Variants in TMEM196 observed in about 807,000 individuals in gnomAD.
The protein encoded by TMEM196 is transmembrane protein 196.
TMEM196 carries 17 observed loss-of-function variants against 20.0 expected under a neutral mutation model. That is an observed-to-expected ratio of 0.85 (90% CI 0.58 to 1.27). TMEM196 has a LOEUF of 1.27. Among genes scored for constraint, TMEM196 ranks in the 50% most tolerant of loss-of-function variants. The pLI, the probability that TMEM196 is intolerant of heterozygous loss-of-function variation, is 0.00. For missense variants in TMEM196, 267 were observed against 223.0 expected (o/e 1.20, Z -1.26); for synonymous variants, 113 against 88.9 (o/e 1.27, Z -1.52).
intron 1 of TMEM196, among the ~76,000 whole-genome samples, chr7:19,747,069 A>C (rs1449890802): frequency 6.6e-6 from 1 of 151,478 alleles, no homozygotes; most frequent in Admixed American, 6.6e-5. Context: ...TCCCGGCTAA[A>C]ACGGTGAAAC....
chr7:19,725,099 A>G (rs1264633110), intron 3 of TMEM196, among the ~76,000 whole-genome samples: 7 of 152,228 alleles, frequency 4.6e-5, no homozygotes, highest in Non-Finnish European at 1.0e-4. Context: ...TTATACTTGA[A>G]GATCAAATTT....
At chr7:19,754,981 AAGGAGACT>A (rs1785146039) in intron 1 of TMEM196, among the ~76,000 whole-genome samples, 1 of 152,238 alleles carries the variant, frequency 6.6e-6, no homozygotes, top group Admixed American at 6.5e-5. Flanking sequence ...TTATAAGAAT[AAGGAGACT>A]AATGGTAATA....
At chr7:19,724,240 G>T in intron 4 of TMEM196, 40 bp downstream of exon 4, 1 of 1,525,804 alleles carries the variant, frequency 6.6e-7, no homozygotes, top group Non-Finnish European at 8.9e-7. Context: ...GCTTTCTGCA[G>T]CGACATTACA....
intron 3 of TMEM196, among the ~76,000 whole-genome samples, 177 bp downstream of exon 3, chr7:19,725,337 G>A (rs1179866883): frequency 1.3e-5 from 2 of 152,078 alleles, no homozygotes; most frequent in African/African-American, 4.8e-5. Flanking sequence ...TTGAAAATAG[G>A]TGTACCCATG....
intron 2 of TMEM196, among the ~76,000 whole-genome samples, chr7:19,727,527 A>G (rs1426929678): frequency 6.6e-6 from 1 of 152,164 alleles, no homozygotes; most frequent in Non-Finnish European, 1.5e-5. Flanking sequence ...TAATTAAATC[A>G]TCCTACTAAG....
chr7:19,756,984 A>G (rs917172304), intron 1 of TMEM196, among the ~76,000 whole-genome samples: 4 of 152,148 alleles, frequency 2.6e-5, no homozygotes, highest in Admixed American at 1.3e-4. Flanking sequence ...ATGCAAGTCT[A>G]GATGAGGCAC....
chr7:19,723,554 GA>G (rs1783883959), intron 4 of TMEM196, among the ~76,000 whole-genome samples: 1 of 152,112 alleles, frequency 6.6e-6, no homozygotes. Context: ...AAAGAAGAGT[GA>G]AAATTCGTTT....
chr7:19,745,825 T>G (rs1482107701), intron 1 of TMEM196, among the ~76,000 whole-genome samples: 1 of 150,926 alleles, frequency 6.6e-6, no homozygotes, highest in Admixed American at 6.6e-5. Context: ...CTGCTCCTAA[T>G]TGAAATTGTC....
intron 1 of TMEM196, among the ~76,000 whole-genome samples, chr7:19,729,867 G>A (rs1784133604): frequency 6.6e-6 from 1 of 152,160 alleles, no homozygotes; most frequent in African/African-American, 2.4e-5. Context: ...ACAAGGAGAT[G>A]ATTCTCTATA....
chr7:19,756,194 C>A (rs1172370474), intron 1 of TMEM196, among the ~76,000 whole-genome samples: 1 of 151,814 alleles, frequency 6.6e-6, no homozygotes, highest in African/African-American at 2.4e-5. Context: ...ATTAAAAGAT[C>A]AAAAGGGGGA....
intron 1 of TMEM196, among the ~76,000 whole-genome samples, chr7:19,767,006 G>A (rs1417343944): frequency 2.0e-5 from 3 of 152,100 alleles, no homozygotes; most frequent in Admixed American, 6.6e-5. Context: ...CTGTCAATTA[G>A]TAGGTGACTG....
rs370154644 is a variant in TMEM196 at position 19,758,565 on chromosome 7, C to T, written c.147+13985G>A. ...TGGTCCTAGTTCTACAGCTAGCCAG[C>T]TATGCTGATTCTCTGGACTTTAGTT... is the stretch of plus-strand genomic sequence containing the variant. On this transcript the variant is annotated intron_variant, in intron 1 of 4. Coordinates refer to ENST00000405844, the MANE Select transcript of TMEM196 (RefSeq NM_001363562.2). Among the ~76,000 whole-genome samples, 7 of 152,302 alleles carry T rather than the reference C, an allele frequency of 4.6e-5. No individual in the cohort carries two copies. In the East Asian group the frequency reaches 1.2e-3, roughly 25 times the overall value.
intron 2 of TMEM196, among the ~76,000 whole-genome samples, chr7:19,726,880 G>C (rs1784018780): frequency 1.3e-5 from 2 of 151,876 alleles, no homozygotes; most frequent in Non-Finnish European, 2.9e-5. Context: ...ACTTATTCCA[G>C]TCACCTCTCT....
intron 1 of TMEM196, among the ~76,000 whole-genome samples, chr7:19,740,199 T>C (rs1784538803): frequency 6.6e-6 from 1 of 152,174 alleles, no homozygotes; most frequent in South Asian, 2.1e-4. Flanking sequence ...TATTCACTGA[T>C]ATGGAGAGTT....
chr7:19,767,975 T>G (rs958637662), intron 1 of TMEM196, among the ~76,000 whole-genome samples: 15 of 152,082 alleles, frequency 9.9e-5, no homozygotes, highest in African/African-American at 2.7e-4. Flanking sequence ...TAGATCAGAA[T>G]GCACAGAGGT....
rs1583410763 is a variant in TMEM196 at position 19,721,798 on chromosome 7, T to TA, written c.*329dup. 9.1e-6 allele frequency: 3 copies of TA among 328,052 alleles called. No homozygotes were observed. In the East Asian group the frequency reaches 2.2e-4, roughly 24 times the overall value. The allele number at this position is 328,052 out of a possible 1,614,324, so 20.3% of individuals were successfully genotyped here. Reference sequence around the variant, plus strand: ...TAGTGTTTGTATAGAATATGCATTTTATTTCTGTTTTATTATCTCTTTTTC... The same window carrying TA: ...TAGTGTTTGTATAGAATATGCATTTTAATTTCTGTTTTATTATCTCTTTTTC... On this transcript the variant is annotated 3_prime_UTR_variant, in exon 5 of 5. Coordinates refer to ENST00000405844, the MANE Select transcript of TMEM196 (RefSeq NM_001363562.2).
rs557960628 is a variant in TMEM196, at chr7:19,726,470, C to A, written c.205-702G>T. ...TTTAGGGACTCCTATGAACTGACCC[C>A]TATATATTACAAATATTTTATTACT... On this transcript the variant is annotated intron_variant, in intron 2 of 4. Coordinates refer to ENST00000405844, the MANE Select transcript of TMEM196 (RefSeq NM_001363562.2). 1.8e-3 allele frequency among the ~76,000 whole-genome samples: 272 copies of A among 152,236 alleles called. 1 individual carries two copies. Among genetic ancestry groups the A allele is most frequent in the Admixed American group, 6.3e-3 (97 of 15,286 alleles).
At chr7:19,736,387 AT>A (rs1784408006) in intron 1 of TMEM196, among the ~76,000 whole-genome samples, 1 of 50,794 alleles carries the variant, frequency 2.0e-5, no homozygotes, top group South Asian at 7.2e-4. Flanking sequence ...ATATATATAT[AT>A]ATATATATAT....
At chr7:19,756,087 C>CA (rs34239969) in intron 1 of TMEM196, among the ~76,000 whole-genome samples, 30,521 of 143,744 alleles carry the variant, frequency 0.21, 3,594 homozygotes, top group East Asian at 0.44. Context: ...TTCTTTTGAT[C>CA]AAAAAAAAAA....
Sources: allele counts gnomAD v4.1 joint callset (sites outside exome capture counted in the v4.1 genomes callset), GRCh38; gene constraint gnomAD v4.1.1; transcripts MANE v1.5; gene names NCBI Gene and HGNC (gene_info 2026-07-23, HGNC 2026-07-21).